RBFOX1: variants seen among roughly 807,000 people sequenced by gnomAD.
RBFOX1 encodes the protein RNA binding fox-1 homolog 1.
A neutral mutation model predicts 57.7 loss-of-function variants in RBFOX1; 8 were observed. That is an observed-to-expected ratio of 0.14 (90% CI 0.08 to 0.25). The LOEUF (loss-of-function observed/expected upper bound fraction) is 0.25. Ranked by LOEUF, RBFOX1 falls within the 10% of genes least tolerant of loss-of-function variation. The pLI, the probability that RBFOX1 is intolerant of heterozygous loss-of-function variation, is 1.00. For synonymous variants in RBFOX1, 326 were observed against 222.4 expected (o/e 1.47, Z -4.15); for missense variants, 611 against 548.5 (o/e 1.11, Z -1.14).
chr16:5,267,235 A>G (rs1212871743), intron 1 of RBFOX1, among the ~76,000 whole-genome samples: 1 of 152,016 alleles, frequency 6.6e-6, no homozygotes, highest in African/African-American at 2.4e-5. Flanking sequence ...TGCTCTTAAC[A>G]TACACCCATG....
chr16:6,877,269 T>C (rs552151505), intron 3 of RBFOX1, among the ~76,000 whole-genome samples: 3 of 152,226 alleles, frequency 2.0e-5, no homozygotes, highest in South Asian at 2.1e-4. Flanking sequence ...TAGAGAAAGA[T>C]GGATGGGTTG....
At chr16:7,516,079 A>C (rs1351982639) in intron 4 of RBFOX1, among the ~76,000 whole-genome samples, 3 of 152,110 alleles carry the variant, frequency 2.0e-5, no homozygotes, top group Non-Finnish European at 4.4e-5. Context: ...TCCTGACCTC[A>C]AGTGATCCAC....
At chr16:5,275,735 A>G (rs2063124353) in intron 1 of RBFOX1, among the ~76,000 whole-genome samples, 1 of 152,216 alleles carries the variant, frequency 6.6e-6, no homozygotes. Flanking sequence ...CCAAAGCAAA[A>G]CTAAGCAAAA....
intron 2 of RBFOX1, among the ~76,000 whole-genome samples, chr16:5,504,313 C>T (rs1399861259): frequency 1.3e-5 from 2 of 152,218 alleles, no homozygotes; most frequent in Non-Finnish European, 2.9e-5. Context: ...GAGGCAGGGC[C>T]TGCCAGGAGC....
rs545393618 is a variant in RBFOX1, at chr16:5,373,303, C to A, written c.220-93913C>A. Among the ~76,000 whole-genome samples the A allele has an allele frequency of 2.0e-5, 3 of 152,260 alleles. No homozygotes were observed. In the East Asian group the frequency reaches 5.8e-4, roughly 29 times the overall value. ...TGTGGTTTGGATTTATGTCCCCAAG[C>A]AAATTTCGTGTCGAATTGTAATCCC... On this transcript the variant is annotated intron_variant, in intron 1 of 2. Coordinates refer to the RBFOX1 transcript ENST00000585867.
intron 4 of RBFOX1, among the ~76,000 whole-genome samples, chr16:7,384,683 A>G (rs2097848164): frequency 6.6e-6 from 1 of 152,186 alleles, no homozygotes; most frequent in Non-Finnish European, 1.5e-5. Context: ...ACCATCCTGT[A>G]ATGACAACCT....
At chr16:6,483,765 G>T (rs1291161384) in intron 2 of RBFOX1, 2 of 1,415,108 alleles carry the variant, frequency 1.4e-6, no homozygotes, top group East Asian at 5.1e-5. Flanking sequence ...GCCGTCAGCC[G>T]CTGTCCAACG....
chr16:6,192,043 C>G lies in RBFOX1; in HGVS notation c.-126-124952C>G, dbSNP rs55828516. On this transcript the variant is annotated intron_variant, in intron 1 of 15. Coordinates refer to ENST00000550418, the MANE Select transcript of RBFOX1 (RefSeq NM_018723.4). ...TGGAATTAGAACATTTCTGTTACTT[C>G]TAGGCATAATTTTCAGGACTAAGGA... is the stretch of plus-strand genomic sequence containing the variant. Among the ~76,000 whole-genome samples the G allele has an allele frequency of 6.8e-3, 1,040 of 152,296 alleles. 7 individuals are homozygous for G. Among genetic ancestry groups the G allele is most frequent in the African/African-American group, 0.024 (985 of 41,552 alleles).
intron 3 of RBFOX1, among the ~76,000 whole-genome samples, chr16:5,686,119 G>A (rs1451716983): frequency 6.6e-6 from 1 of 152,150 alleles, no homozygotes; most frequent in Non-Finnish European, 1.5e-5. Flanking sequence ...ATGGAGACTG[G>A]TATCTACGTT....
intron 2 of RBFOX1, among the ~76,000 whole-genome samples, chr16:6,572,283 C>T (rs2097355456): frequency 1.3e-5 from 2 of 152,038 alleles, no homozygotes; most frequent in Admixed American, 1.3e-4. Flanking sequence ...AGAGAATAAA[C>T]CCATGACTCT....
chr16:7,093,063 G>T (rs990822675), intron 4 of RBFOX1, among the ~76,000 whole-genome samples: 1 of 152,192 alleles, frequency 6.6e-6, no homozygotes, highest in Non-Finnish European at 1.5e-5. Flanking sequence ...CAGCATTTCT[G>T]TGTTTCCTAT....
chr16:5,561,070 A>G (rs2045874039), intron 2 of RBFOX1, among the ~76,000 whole-genome samples: 1 of 152,200 alleles, frequency 6.6e-6, no homozygotes. Context: ...CAATTCCCAA[A>G]TGGATTCCCT....
At chr16:6,477,841 G>A in intron 2 of RBFOX1, among the ~76,000 whole-genome samples, 1 of 152,132 alleles carries the variant, frequency 6.6e-6, no homozygotes, top group South Asian at 2.1e-4. Context: ...GATTTTCAGG[G>A]TAAGTTGCTG....
chr16:6,429,008 G>A (rs1482697698), intron 2 of RBFOX1, among the ~76,000 whole-genome samples: 2 of 151,890 alleles, frequency 1.3e-5, no homozygotes, highest in African/African-American at 2.4e-5. Flanking sequence ...GTGCACATTC[G>A]GTGACATGCA....
intron 3 of RBFOX1, among the ~76,000 whole-genome samples, chr16:6,743,299 G>T (rs116824700): frequency 0.015 from 2,301 of 152,136 alleles, 58 homozygotes; most frequent in African/African-American, 0.053. Flanking sequence ...AAACCAATAG[G>T]TTATAGGTTT....
intron 4 of RBFOX1, among the ~76,000 whole-genome samples, chr16:7,416,546 G>A (rs1439934985): frequency 4.6e-5 from 7 of 152,126 alleles, no homozygotes; most frequent in African/African-American, 4.8e-5. Flanking sequence ...ACAGAAGATC[G>A]GGGCTAATGT....
intron 3 of RBFOX1, among the ~76,000 whole-genome samples, chr16:5,755,785 A>G (rs1464973853): frequency 2.0e-5 from 3 of 152,070 alleles, no homozygotes; most frequent in Non-Finnish European, 4.4e-5. Context: ...TTTAGTAGAC[A>G]TGGGGTTTCA....
At chr16:5,402,066 T>G (rs978626973) in intron 1 of RBFOX1, among the ~76,000 whole-genome samples, 2 of 152,092 alleles carry the variant, frequency 1.3e-5, no homozygotes, top group African/African-American at 4.8e-5. Flanking sequence ...TCCTAAGGCA[T>G]TGGAGAGTAC....
chr16:5,382,695 T>C (rs1047678657), intron 1 of RBFOX1, among the ~76,000 whole-genome samples: 1 of 152,234 alleles, frequency 6.6e-6, no homozygotes, highest in Non-Finnish European at 1.5e-5. Flanking sequence ...TTTAATTATT[T>C]GTAAAACCCG....
Sources: allele counts gnomAD v4.1 joint callset (sites outside exome capture counted in the v4.1 genomes callset), GRCh38; gene constraint gnomAD v4.1.1; transcripts MANE v1.5; gene names NCBI Gene and HGNC (gene_info 2026-07-23, HGNC 2026-07-21).